Variants in PQBP1 observed in about 807,000 individuals in gnomAD.
PQBP1 encodes the protein polyglutamine binding protein 1, also known as polyglutamine-binding protein 1.
A neutral mutation model predicts 20.9 loss-of-function variants in PQBP1; 3 were observed. That is an observed-to-expected ratio of 0.14 (90% confidence interval 0.07 to 0.37). The LOEUF (loss-of-function observed/expected upper bound fraction) is 0.37, where lower values mean the gene tolerates loss of function less well. Among genes scored for constraint, PQBP1 ranks in the 10% least tolerant of loss-of-function variants. PQBP1 has a pLI of 1.00. For missense variants in PQBP1, 162 were observed against 240.3 expected (o/e 0.67, Z 2.16); for synonymous variants, 83 against 93.8 (o/e 0.88, Z 0.67).
chrX:48,898,402 T>TGA, intron 1 of PQBP1, 90 bp from the exon 2 acceptor site: 1 of 808,739 alleles, frequency 1.2e-6, no homozygotes. Context: ...CGGAGTCAGA[T>TGA]GAGTACATGT....
intron 3 of PQBP1, 164 bp downstream of exon 3, chrX:48,901,465 G>T (rs1362756579): frequency 1.5e-5 from 16 of 1,036,536 alleles, no homozygotes; most frequent in Non-Finnish European, 1.9e-5. Flanking sequence ...GGCTCCTCTG[G>T]GGTTGGAAGA....
At chrX:48,901,859 C>A in intron 3 of PQBP1, 71 bp from the exon 4 acceptor site, 1 of 1,198,604 alleles carries the variant, frequency 8.3e-7, no homozygotes, top group Non-Finnish European at 1.1e-6. Flanking sequence ...TAGGCAGAGA[C>A]TGGGGAGACA....
intron 3 of PQBP1, 163 bp downstream of exon 3, chrX:48,901,464 G>T: frequency 9.7e-7 from 1 of 1,031,719 alleles, no homozygotes; most frequent in Non-Finnish European, 1.3e-6. Flanking sequence ...TGGCTCCTCT[G>T]GGGTTGGAAG....
At position 48,898,077 on chromosome X, in the gene PQBP1, G is replaced by C; in HGVS notation, c.-24G>C. 1 of 1,034,207 alleles carries C rather than the reference G, an allele frequency of 9.7e-7. No homozygotes were observed. Among genetic ancestry groups the C allele is most frequent in the Non-Finnish European group, 1.2e-6 (1 of 808,342 alleles). The allele number at this position is 1,034,207 out of a possible 1,213,427, so 85.2% of individuals were successfully genotyped here. The stretch of plus-strand genomic sequence containing the variant: ...ACAGCCTTCCACTACCTGCACGAGT[G>C]TATTGGTAACGTTGGGGTGGGTGCA... On this transcript the variant is annotated 5_prime_UTR_variant, in exon 1 of 7. Transcript: ENST00000447146.
intron 1 of PQBP1, 23 bp from the exon 2 acceptor site, chrX:48,898,469 T>G: frequency 8.4e-7 from 1 of 1,187,158 alleles, no homozygotes; most frequent in Non-Finnish European, 1.1e-6. Context: ...GAGCTGCTTG[T>G]CAGTTTGTTC....
chrX:48,901,522 G>A (rs782042642), intron 3 of PQBP1: 17 of 794,070 alleles, frequency 2.1e-5, no homozygotes, highest in South Asian at 1.8e-4. Flanking sequence ...CTTGTAGCCC[G>A]GGCTGGAGTG....
intron 4 of PQBP1, 31 bp downstream of exon 4, chrX:48,902,073 T>C (rs782702046): frequency 8.3e-7 from 1 of 1,210,669 alleles, no homozygotes; most frequent in Non-Finnish European, 1.1e-6. Context: ...GTGCCTTGAG[T>C]GATCTTAGCA....
At chrX:48,901,825 T>C (rs1337931868) in intron 3 of PQBP1, 105 bp from the exon 4 acceptor site, 12 of 1,148,272 alleles carry the variant, frequency 1.0e-5, no homozygotes, top group African/African-American at 3.6e-5. Flanking sequence ...ATCCTGCCTG[T>C]GGGGTCCTGA....
At chrX:48,902,572 G>T (rs782370136) in intron 5 of PQBP1, 55 bp downstream of exon 5, 1 of 1,178,201 alleles carries the variant, frequency 8.5e-7, no homozygotes, top group Non-Finnish European at 1.1e-6. Context: ...GGTGCACTGC[G>T]TGAGGAAGCC....
Position 48,900,032 on chromosome X carries a change from C to T in PQBP1, c.68-1158C>T, listed in dbSNP as rs782812936. The stretch of plus-strand genomic sequence containing the variant: ...TTGGGAGGCGGAGGTGGACGGATCA[C>T]GAGGTCAGGAGATCGAGACCATTCT... On this transcript the variant is annotated intron_variant, in intron 2 of 6. Coordinates refer to ENST00000447146, the MANE Select transcript of PQBP1 (RefSeq NM_001032382.2). Among the ~76,000 whole-genome samples, 5 of 110,671 alleles carry T rather than the reference C, an allele frequency of 4.5e-5. No homozygotes were observed. In the East Asian group the frequency reaches 1.1e-3, roughly 25 times the overall value.
intron 2 of PQBP1, among the ~76,000 whole-genome samples, chrX:48,899,114 A>G (rs782736795): frequency 2.3e-4 from 25 of 108,463 alleles, no homozygotes; most frequent in African/African-American, 7.1e-4. Flanking sequence ...AGTAGCTGGG[A>G]TTACAGGCAC....
intron 2 of PQBP1, among the ~76,000 whole-genome samples, chrX:48,900,284 C>CTTTTTTTTTTTTT: frequency 3.1e-5 from 1 of 32,472 alleles, no homozygotes; most frequent in Non-Finnish European, 5.3e-5. Flanking sequence ...CATTGATTTA[C>CTTTTTTTTTTTTT]TTTTTTTTTT....
chrX:48,899,726 C>T (rs2063374295), intron 2 of PQBP1, among the ~76,000 whole-genome samples: 1 of 112,056 alleles, frequency 8.9e-6, no homozygotes, highest in Non-Finnish European at 1.9e-5. Context: ...TACTGCTAAC[C>T]TCTACTGCTG....
intron 2 of PQBP1, among the ~76,000 whole-genome samples, chrX:48,900,781 C>T (rs1416324323): frequency 9.2e-6 from 1 of 108,723 alleles, no homozygotes; most frequent in African/African-American, 3.4e-5. Context: ...GTCTCACAGA[C>T]GGGTTTTCAC....
rs781822023 is a variant in PQBP1, at chrX:48,902,530, G to A, written c.577+13G>A. On this transcript the variant is annotated intron_variant, in intron 5 of 6. Coordinates refer to ENST00000447146, the MANE Select transcript of PQBP1 (RefSeq NM_001032382.2). ...AAGAGCAAGAAGGGTAAGCTGGGCA[G>A]AATGGGGCTCGGTGAGACCAACAAG... 5.8e-6 allele frequency: 7 copies of A among 1,200,639 alleles called. No individual in the cohort carries two copies. The South Asian group carries it at 1.3e-4, about 22-fold the overall frequency.
At chrX:48,902,833 C>A in intron 6 of PQBP1, 38 bp downstream of exon 6, 1 of 1,189,109 alleles carries the variant, frequency 8.4e-7, no homozygotes, top group Non-Finnish European at 1.1e-6. Context: ...ACGTGGACAC[C>A]ATCCTCCGGC....
Position 48,898,093 on chromosome X carries a change from G to T in PQBP1, c.-19+11G>T. 9.7e-7 allele frequency: 1 copy of T among 1,026,085 alleles called. No homozygotes were observed. Among genetic ancestry groups the T allele is most frequent in the Non-Finnish European group, 1.2e-6 (1 of 803,630 alleles). The allele number at this position is 1,026,085 out of a possible 1,213,427, so 84.6% of individuals were successfully genotyped here. A position where few individuals can be genotyped will look rare whatever the true frequency, so the allele number is the denominator to read the frequency against. ...TGCACGAGTGTATTGGTAACGTTGG[G>T]GTGGGTGCACTCTTTTGGAGCTGGA... On this transcript the variant is annotated intron_variant, in intron 1 of 6. Coordinates refer to ENST00000447146, the MANE Select transcript of PQBP1 (RefSeq NM_001032382.2).
At chrX:48,899,608 A>G (rs1417666476) in intron 2 of PQBP1, among the ~76,000 whole-genome samples, 1 of 110,777 alleles carries the variant, frequency 9.0e-6, no homozygotes, top group East Asian at 2.8e-4. Context: ...TCCAAAAAAA[A>G]CAACAAAATA....
intron 1 of PQBP1, 140 bp downstream of exon 1, chrX:48,898,222 G>A (rs1179175541): frequency 1.8e-5 from 17 of 937,599 alleles, no homozygotes; most frequent in Non-Finnish European, 2.5e-5. Flanking sequence ...GAGGGGCCGG[G>A]CTTCTTAGGC....
Sources: allele counts gnomAD v4.1 joint callset (sites outside exome capture counted in the v4.1 genomes callset), GRCh38; gene constraint gnomAD v4.1.1; transcripts MANE v1.5; gene names NCBI Gene and HGNC (gene_info 2026-07-23, HGNC 2026-07-21).